The following TGM5 variants were observed in gnomAD, a reference collection of about 807,000 sequenced individuals.
The protein encoded by TGM5 is protein-glutamine gamma-glutamyltransferase 5.
Under a neutral mutation model 77.2 loss-of-function variants are expected in TGM5, and 69 were observed. That is an observed-to-expected ratio of 0.89 (90% confidence interval 0.74 to 1.09). TGM5 has a LOEUF of 1.09. Ranked by LOEUF, TGM5 falls within the 50% of genes least tolerant of loss-of-function variation. The pLI is 0.00. For synonymous variants in TGM5, 346 were observed against 351.8 expected, an observed-to-expected ratio of 0.98 and a Z score of 0.18; for missense variants, 842 against 896.5, an observed-to-expected ratio of 0.94 and a Z score of 0.78.
chr15:43,253,026 G>T, intron 5 of TGM5, 90 bp from the exon 6 acceptor site: 1 of 1,401,578 alleles, frequency 7.1e-7, no homozygotes, highest in South Asian at 1.2e-5. Flanking sequence ...ATGGGCCTGA[G>T]AAACAGAGGA....
chr15:43,240,761 A>G, intron 7 of TGM5, 91 bp downstream of exon 7: 1 of 1,560,858 alleles, frequency 6.4e-7, no homozygotes, highest in Non-Finnish European at 8.8e-7. Context: ...GGGAGGGACC[A>G]GGCTCATGGA....
intron 11 of TGM5, 60 bp from the exon 12 acceptor site, chr15:43,233,747 A>C: frequency 6.3e-7 from 1 of 1,597,120 alleles, no homozygotes; most frequent in Non-Finnish European, 8.5e-7. Flanking sequence ...CCAGATATTT[A>C]CGAAGGGCAC....
chr15:43,244,448 C>A (rs967223482), intron 6 of TGM5, among the ~76,000 whole-genome samples: 1 of 152,154 alleles, frequency 6.6e-6, no homozygotes, highest in Non-Finnish European at 1.5e-5. Context: ...GGATCTGAGT[C>A]CCTCGTGAAA....
intron 3 of TGM5, among the ~76,000 whole-genome samples, chr15:43,259,498 C>T (rs1249637110): frequency 6.6e-6 from 1 of 151,272 alleles, no homozygotes; most frequent in East Asian, 1.9e-4. Flanking sequence ...CATAATCTCA[C>T]TTACGGTATG....
Position 43,233,585 on chromosome 15 carries a change from T to C in TGM5, c.1978A>G (p.Ser660Gly), listed in dbSNP as rs944442607. The C allele has an allele frequency of 7.4e-6, 12 of 1,614,204 alleles. No homozygotes were observed. The highest frequency in any genetic ancestry group is 1.7e-5 in the Admixed American group (1 of 60,034). The change falls in exon 12 of 13, where the codon AGT becomes GGT. Residue 660 changes from serine to glycine, a missense_variant. Coordinates refer to ENST00000220420, the MANE Select transcript of TGM5 (RefSeq NM_201631.4). ...TTCTGCTGTTTCTTGAAGAGGCCAC[T>C]TCCTTCCACAGTCAGCACACAGTCC... ...VEDCVLTVEG[S>G]GLFKKQQKVF... is the part of the protein sequence containing the mutation.
chr15:43,261,085 T>G (rs1204963624), intron 1 of TGM5, among the ~76,000 whole-genome samples: 2 of 119,200 alleles, frequency 1.7e-5, no homozygotes, highest in Middle Eastern at 4.4e-3. Context: ...TGTTTTTTTT[T>G]TTTTTTTTTT....
chr15:43,248,723 T>G (rs2042684965), intron 6 of TGM5, among the ~76,000 whole-genome samples: 1 of 152,210 alleles, frequency 6.6e-6, no homozygotes, highest in Admixed American at 6.5e-5. Flanking sequence ...GAGTTTGAAC[T>G]GGGATCTAAG....
At chr15:43,245,028 C>T (rs1209774713) in intron 6 of TGM5, among the ~76,000 whole-genome samples, 1 of 152,100 alleles carries the variant, frequency 6.6e-6, no homozygotes, top group Non-Finnish European at 1.5e-5. Context: ...ATAATGGCGC[C>T]ACTGCACTCC....
chr15:43,253,192 G>A (rs559135212), intron 5 of TGM5, among the ~76,000 whole-genome samples: 22 of 152,260 alleles, frequency 1.4e-4, no homozygotes, highest in Admixed American at 6.5e-4. Context: ...CTGCAAAGCT[G>A]GAGCTTACCT....
In TGM5 at chr15:43,235,685, G is replaced by C; in HGVS notation, c.1498C>G (p.Arg500Gly). 1 of 1,614,198 alleles carries C rather than the reference G, an allele frequency of 6.2e-7. No homozygotes were observed. Among genetic ancestry groups the C allele is most frequent in the South Asian group, 1.1e-5 (1 of 91,084 alleles). ...SPRSLHTPSL[R>G]PSDVVQVSLK... The stretch of plus-strand genomic sequence containing the variant: ...GAGACTTGCACCACATCACTGGGTC[G>C]AAGGGAAGGTGTATGCAGGCTCCGA... Residue 500 changes from arginine to glycine, a missense_variant, in exon 10 of 13, where the codon CGA (arginine) becomes GGA (glycine). Physicochemically the swap from Arg to Gly is moderately radical, Grantham distance 125. Coordinates refer to ENST00000220420, the MANE Select transcript of TGM5 (RefSeq NM_201631.4).
intron 6 of TGM5, among the ~76,000 whole-genome samples, chr15:43,251,902 T>G (rs2042705939): frequency 6.6e-6 from 1 of 152,222 alleles, no homozygotes; most frequent in South Asian, 2.1e-4. Context: ...AAAGCTGACC[T>G]CACATTTTCT....
intron 7 of TGM5, among the ~76,000 whole-genome samples, chr15:43,240,168 A>T (rs1192301654): frequency 6.6e-6 from 1 of 152,114 alleles, no homozygotes; most frequent in African/African-American, 2.4e-5. Flanking sequence ...GCCATAAAAA[A>T]TTTATCTGAC....
chr15:43,241,746 G>C (rs140991248), intron 6 of TGM5, among the ~76,000 whole-genome samples: 49 of 152,038 alleles, frequency 3.2e-4, no homozygotes, highest in African/African-American at 1.1e-3. Flanking sequence ...CAATTCTCCT[G>C]CCTCAGCCCC....
At chr15:43,245,659 C>T (rs575612625) in intron 6 of TGM5, among the ~76,000 whole-genome samples, 6 of 152,222 alleles carry the variant, frequency 3.9e-5, no homozygotes, top group South Asian at 2.1e-4. Flanking sequence ...ACTGAACCCT[C>T]GTCATCGAAG....
chr15:43,253,438 G>A lies in TGM5; in HGVS notation c.684+68C>T, dbSNP rs186611730. On this transcript the variant is annotated intron_variant, in intron 5 of 12. Transcript: ENST00000220420. The stretch of plus-strand genomic sequence containing the variant: ...GTCCCTCTTTCACCCACTGCAGGGG[G>A]CAACTGTGAGTGGGCAGGGCTCCCG... The A allele has an allele frequency of 8.8e-4, 1,410 of 1,598,424 alleles. 14 individuals are homozygous for A. In the Middle Eastern group the frequency reaches 9.7e-3, roughly 11 times the overall value.
chr15:43,233,766 A>G, intron 11 of TGM5, 79 bp from the exon 12 acceptor site: 1 of 1,565,172 alleles, frequency 6.4e-7, no homozygotes, highest in Non-Finnish European at 8.7e-7. Context: ...ACCATTCTGT[A>G]AGGTGGCAGG....
intron 5 of TGM5, 130 bp downstream of exon 5, chr15:43,253,376 C>T: frequency 7.6e-7 from 1 of 1,318,718 alleles, no homozygotes; most frequent in Admixed American, 2.0e-5. Context: ...CACCCACATT[C>T]TGGCGTCAGT....
At chr15:43,256,759 G>GGAA in intron 3 of TGM5, 73 bp from the exon 4 acceptor site, 1 of 1,133,256 alleles carries the variant, frequency 8.8e-7, no homozygotes, top group Non-Finnish European at 1.3e-6. Context: ...CATCCCCACA[G>GGAA]TCCCAGAGGA....
intron 3 of TGM5, among the ~76,000 whole-genome samples, chr15:43,259,484 A>G (rs2042769221): frequency 6.6e-6 from 1 of 152,102 alleles, no homozygotes; most frequent in Non-Finnish European, 1.5e-5. Flanking sequence ...AATGGTATGT[A>G]TTACATAATC....
Sources: gnomAD v4.1 joint callset for allele counts (sites outside exome capture counted in the v4.1 genomes callset) on GRCh38, gnomAD v4.1.1 for gene constraint, MANE v1.5 for transcripts, NCBI Gene and HGNC (gene_info 2026-07-23, HGNC 2026-07-21) for gene names.